The following NRG1 variants were observed in gnomAD, a reference collection of about 807,000 sequenced individuals.
NRG1 encodes pro-neuregulin-1, membrane-bound isoform.
NRG1 carries 18 observed loss-of-function variants against 63.8 expected under a neutral mutation model. That is an observed-to-expected ratio of 0.28 (90% CI 0.19 to 0.42). The LOEUF (loss-of-function observed/expected upper bound fraction) is 0.42. Ranked by LOEUF, NRG1 falls within the 10% of genes least tolerant of loss-of-function variation. NRG1 has a pLI of 1.00. For synonymous variants in NRG1, 302 were observed against 301.3 expected, an observed-to-expected ratio of 1.00 and a Z score of -0.02; for missense variants, 762 against 814.7, an observed-to-expected ratio of 0.94 and a Z score of 0.79.
At position 32,685,932 on chromosome 8, in the gene NRG1, A is replaced by G. The variant is rs1028393017; in HGVS notation, c.503-42017A>G. Among the ~76,000 whole-genome samples the G allele has an allele frequency of 2.0e-5, 3 of 152,328 alleles. No individual in the cohort carries two copies. The South Asian group carries it at 6.2e-4, about 32-fold the overall frequency. On this transcript the variant is annotated intron_variant, in intron 5 of 11. Transcript: ENST00000356819. ...ACCCTATCTGATGCTACTTTCAAACATATTTGAGTATTTATAGTTTCTAAT... is the reference window on the plus strand; with the variant it reads ...ACCCTATCTGATGCTACTTTCAAACGTATTTGAGTATTTATAGTTTCTAAT...
At chr8:32,368,925 C>A (rs984953043) in intron 1 of NRG1, among the ~76,000 whole-genome samples, 1 of 152,188 alleles carries the variant, frequency 6.6e-6, no homozygotes, top group Admixed American at 6.5e-5. Context: ...ACTTTTATTT[C>A]TTTCTTTCTC....
chr8:31,960,892 C>T (rs187099574), intron 1 of NRG1, among the ~76,000 whole-genome samples: 3 of 152,262 alleles, frequency 2.0e-5, no homozygotes, highest in East Asian at 1.9e-4. Flanking sequence ...TCTCACCAAG[C>T]AGTTATTATT....
intron 1 of NRG1, among the ~76,000 whole-genome samples, chr8:32,359,565 C>G (rs1245858558): frequency 6.6e-6 from 1 of 152,132 alleles, no homozygotes; most frequent in African/African-American, 2.4e-5. Context: ...GTCACATGTT[C>G]ACATGCTTAC....
At chr8:32,224,022 C>T (rs1390622957) in intron 1 of NRG1, among the ~76,000 whole-genome samples, 2 of 152,058 alleles carry the variant, frequency 1.3e-5, no homozygotes, top group South Asian at 2.1e-4. Flanking sequence ...TAGGTCCTTC[C>T]GTTCATGTAA....
At chr8:31,639,703 C>T (rs947988382) in intron 1 of NRG1, 19 of 1,389,998 alleles carry the variant, frequency 1.4e-5, no homozygotes, top group South Asian at 1.6e-5. Context: ...CTGTCACTCC[C>T]TGTAACTGAG....
chr8:31,712,574 C>T (rs971948850), intron 1 of NRG1, among the ~76,000 whole-genome samples: 6 of 152,042 alleles, frequency 3.9e-5, no homozygotes, highest in Admixed American at 3.9e-4. Flanking sequence ...AGCCCATGAT[C>T]TTTCTTTTAA....
chr8:31,864,571 T>C (rs1193126785), intron 1 of NRG1, among the ~76,000 whole-genome samples: 1 of 151,832 alleles, frequency 6.6e-6, no homozygotes, highest in Admixed American at 6.6e-5. Context: ...TTCAAGAAAC[T>C]GAAAGGCGGA....
chr8:32,658,438 T>C (rs531295660), intron 5 of NRG1, among the ~76,000 whole-genome samples: 29 of 152,328 alleles, frequency 1.9e-4, no homozygotes, highest in Middle Eastern at 3.4e-3. Context: ...TGTTATAACT[T>C]TGTTGACCCC....
intron 5 of NRG1, among the ~76,000 whole-genome samples, chr8:32,692,601 T>C (rs1812052947): frequency 6.6e-6 from 1 of 152,224 alleles, no homozygotes; most frequent in African/African-American, 2.4e-5. Flanking sequence ...GTTAGATTAA[T>C]ATTTGTGTGT....
At chr8:31,855,171 G>A (rs1228714685) in intron 1 of NRG1, among the ~76,000 whole-genome samples, 9 of 152,122 alleles carry the variant, frequency 5.9e-5, no homozygotes, top group African/African-American at 2.2e-4. Flanking sequence ...TATCCTTGTT[G>A]ACTTTCTGTC....
intron 1 of NRG1, among the ~76,000 whole-genome samples, chr8:31,743,922 G>A (rs763394253): frequency 6.6e-6 from 1 of 151,938 alleles, no homozygotes. Flanking sequence ...TTTTGAAGCC[G>A]AGGAATAGTA....
intron 1 of NRG1, among the ~76,000 whole-genome samples, chr8:32,562,868 T>C (rs1329785579): frequency 6.6e-6 from 1 of 152,186 alleles, no homozygotes; most frequent in African/African-American, 2.4e-5. Context: ...TATCTGGGAT[T>C]TATTTCCTTG....
chr8:31,711,426 A>C (rs1811729928), intron 1 of NRG1, among the ~76,000 whole-genome samples: 1 of 152,162 alleles, frequency 6.6e-6, no homozygotes. Context: ...ACTGTAGAGA[A>C]ATCTGATTTT....
At chr8:31,883,063 T>C (rs1830469693) in intron 1 of NRG1, among the ~76,000 whole-genome samples, 1 of 152,054 alleles carries the variant, frequency 6.6e-6, no homozygotes, top group Non-Finnish European at 1.5e-5. Context: ...GAGCATTATA[T>C]GCCACAGAGA....
intron 1 of NRG1, among the ~76,000 whole-genome samples, chr8:32,173,664 A>G (rs1161125856): frequency 6.6e-6 from 1 of 152,226 alleles, no homozygotes; most frequent in Non-Finnish European, 1.5e-5. Flanking sequence ...AACAAATGGA[A>G]AACAAAAAAA....
intron 1 of NRG1, among the ~76,000 whole-genome samples, chr8:32,055,549 A>G (rs947712961): frequency 2.6e-5 from 4 of 152,202 alleles, no homozygotes; most frequent in African/African-American, 9.6e-5. Context: ...GAAGACAAAT[A>G]TAGAACCTAA....
At chr8:31,709,941 C>T (rs1416091884) in intron 1 of NRG1, among the ~76,000 whole-genome samples, 1 of 151,470 alleles carries the variant, frequency 6.6e-6, no homozygotes, top group South Asian at 2.1e-4. Flanking sequence ...ATTAACTACC[C>T]TCTTCTCCTT....
At chr8:32,042,949 TAGAA>T (rs1400818605) in intron 1 of NRG1, among the ~76,000 whole-genome samples, 2 of 144,808 alleles carry the variant, frequency 1.4e-5, no homozygotes, top group East Asian at 4.5e-4. Context: ...TCCAGAAAGG[TAGAA>T]AGAGTGCAGT....
intron 5 of NRG1, among the ~76,000 whole-genome samples, chr8:32,643,194 C>T (rs911007774): frequency 1.3e-5 from 2 of 152,188 alleles, no homozygotes; most frequent in Middle Eastern, 3.2e-3. Flanking sequence ...ACTTCCTTAT[C>T]CTCTGTGGCA....
Sources: allele counts gnomAD v4.1 joint callset (sites outside exome capture counted in the v4.1 genomes callset), GRCh38; gene constraint gnomAD v4.1.1; transcripts MANE v1.5; gene names NCBI Gene and HGNC (gene_info 2026-07-23, HGNC 2026-07-21).